Variants in ADAMTSL3 observed in about 807,000 individuals in gnomAD.
ADAMTSL3 encodes the protein ADAMTS like 3.
Under a neutral mutation model 201.7 loss-of-function variants are expected in ADAMTSL3, and 128 were observed. The observed-to-expected ratio is 0.63, with a 90% CI of 0.55 to 0.73. The LOEUF is 0.73. Ranked by LOEUF, ADAMTSL3 falls within the 30% of genes least tolerant of loss-of-function variation. The pLI is 0.00. For missense variants in ADAMTSL3, 1,990 were observed against 2,119.6 expected (o/e 0.94, Z 1.20); for synonymous variants, 738 against 748.4 (o/e 0.99, Z 0.23).
chr15:83,858,920 C>A, intron 8 of ADAMTSL3, 80 bp downstream of exon 8: 3 of 1,220,630 alleles, frequency 2.5e-6, no homozygotes, highest in Non-Finnish European at 3.5e-6. Context: ...AAAAAACCCA[C>A]AAACCAAACC....
Position 84,038,058 on chromosome 15 carries a change from G to T in ADAMTSL3, c.*252G>T. On this transcript the variant is annotated 3_prime_UTR_variant, in exon 30 of 30. Transcript: ENST00000286744. Reference sequence around the variant, plus strand: ...TATAGCATGCATGCCACTGCACTTGGGACCTCATCATGTCAGTTGAATCGA... The same window carrying T: ...TATAGCATGCATGCCACTGCACTTGTGACCTCATCATGTCAGTTGAATCGA... The T allele has an allele frequency of 4.4e-6, 2 of 455,248 alleles. No homozygotes were observed. The highest frequency in any genetic ancestry group is 7.6e-6 in the Non-Finnish European group (2 of 263,928). 28.2% of individuals were successfully genotyped at this position (455,248 alleles called of 1,614,324 possible).
intron 27 of ADAMTSL3, among the ~76,000 whole-genome samples, chr15:84,025,946 C>T (rs150755481): frequency 2.0e-5 from 3 of 152,202 alleles, no homozygotes; most frequent in East Asian, 3.9e-4. Context: ...ACGAAGATGT[C>T]GATTTCCTTA....
In ADAMTSL3 at chr15:83,874,222, G is replaced by A. The variant is rs1299195163; in HGVS notation, c.960+3263G>A. 1.4e-5 allele frequency among the ~76,000 whole-genome samples: 2 copies of A among 145,134 alleles called. 1 individual carries two copies. The highest frequency in any genetic ancestry group is 3.0e-5 in the Non-Finnish European group (2 of 66,650). ...ATGATGGTGGTTGCTCTCCAGGGCA[G>A]GGAGGCTTTCAGGGAAAGCCAAAAG... is the stretch of plus-strand genomic sequence containing the variant. On this transcript the variant is annotated intron_variant, in intron 9 of 29. Coordinates refer to ENST00000286744, the MANE Select transcript of ADAMTSL3 (RefSeq NM_207517.3).
intron 6 of ADAMTSL3, chr15:83,825,018 A>T (rs2063991661): frequency 6.6e-6 from 1 of 152,112 alleles, no homozygotes; most frequent in Non-Finnish European, 1.5e-5. Flanking sequence ...TCCTTTTCAC[A>T]CTGAATAATA....
At chr15:83,964,824 C>G (rs758284090) in intron 19 of ADAMTSL3, among the ~76,000 whole-genome samples, 3 of 152,224 alleles carry the variant, frequency 2.0e-5, no homozygotes, top group Non-Finnish European at 4.4e-5. Flanking sequence ...CAGTGGATCT[C>G]TCTGCAGAAA....
intron 9 of ADAMTSL3, among the ~76,000 whole-genome samples, chr15:83,882,898 G>A (rs1363128098): frequency 6.6e-6 from 1 of 151,900 alleles, no homozygotes; most frequent in Non-Finnish European, 1.5e-5. Context: ...AACTCAATGA[G>A]CATTTTGAAA....
intron 7 of ADAMTSL3, among the ~76,000 whole-genome samples, chr15:83,849,055 A>C (rs2141733688): frequency 6.6e-6 from 1 of 152,320 alleles, no homozygotes; most frequent in Non-Finnish European, 1.5e-5. Flanking sequence ...CATCAACAAC[A>C]AATCTAGGTG....
chr15:83,781,444 C>A (rs1596196218), intron 4 of ADAMTSL3, among the ~76,000 whole-genome samples: 1 of 152,266 alleles, frequency 6.6e-6, no homozygotes, highest in South Asian at 2.1e-4. Context: ...TTCTATACAT[C>A]ATATACAAAA....
At chr15:83,750,427 G>A (rs777384732) in intron 3 of ADAMTSL3, among the ~76,000 whole-genome samples, 56 of 152,158 alleles carry the variant, frequency 3.7e-4, no homozygotes, top group Non-Finnish European at 7.6e-4. Flanking sequence ...TCATAGCTTG[G>A]TGTCATGCCC....
Position 83,863,279 on chromosome 15 carries a change from A to G in ADAMTSL3, c.802+4439A>G, listed in dbSNP as rs561344550. ...TCTGCACCAAGCAGACCTAATAGAC[A>G]TCTACCGAACTCTCCACCCCAAATC... is the stretch of plus-strand genomic sequence containing the variant. On this transcript the variant is annotated intron_variant, in intron 8 of 29. Coordinates refer to ENST00000286744, the MANE Select transcript of ADAMTSL3 (RefSeq NM_207517.3). Among the ~76,000 whole-genome samples, 104 of 152,278 alleles carry G rather than the reference A, an allele frequency of 6.8e-4. 1 individual carries two copies. The highest frequency in any genetic ancestry group is 2.2e-3 in the African/African-American group (90 of 41,554).
chr15:84,001,473 C>T (rs974793803), intron 23 of ADAMTSL3, among the ~76,000 whole-genome samples: 6 of 152,184 alleles, frequency 3.9e-5, no homozygotes, highest in African/African-American at 1.4e-4. Context: ...CAGATACACA[C>T]AGTTACTTGT....
intron 3 of ADAMTSL3, among the ~76,000 whole-genome samples, chr15:83,764,383 C>A (rs531020842): frequency 6.6e-6 from 1 of 152,276 alleles, no homozygotes; most frequent in East Asian, 1.9e-4. Flanking sequence ...ACTCTCCACC[C>A]TTCCCTGCCC....
chr15:83,718,047 A>G (rs868688556), intron 3 of ADAMTSL3, among the ~76,000 whole-genome samples: 6 of 152,192 alleles, frequency 3.9e-5, no homozygotes, highest in South Asian at 2.1e-4. Context: ...TGAAAACTCT[A>G]TAGTCCTAGA....
chr15:84,025,998 G>A (rs919956777), intron 27 of ADAMTSL3, among the ~76,000 whole-genome samples: 2 of 152,158 alleles, frequency 1.3e-5, no homozygotes, highest in African/African-American at 4.8e-5. Context: ...TAACATCATA[G>A]TAGAACTTTT....
intron 3 of ADAMTSL3, among the ~76,000 whole-genome samples, chr15:83,761,505 ATC>A (rs1310355446): frequency 1.3e-5 from 2 of 151,922 alleles, no homozygotes; most frequent in Non-Finnish European, 2.9e-5. Flanking sequence ...TTGTCTGACA[ATC>A]TCTTTCTTTT....
intron 3 of ADAMTSL3, among the ~76,000 whole-genome samples, chr15:83,769,786 CTT>C (rs763339984): frequency 1.9e-4 from 26 of 135,084 alleles, no homozygotes; most frequent in African/African-American, 1.6e-4. Flanking sequence ...TTTAATTTTT[CTT>C]TTTTTTTTTT....
At chr15:83,708,300 G>GCTGTCTTGGATGAAC (rs2061881472) in intron 3 of ADAMTSL3, among the ~76,000 whole-genome samples, 2 of 152,222 alleles carry the variant, frequency 1.3e-5, no homozygotes, top group African/African-American at 4.8e-5. Flanking sequence ...GTAGATATTT[G>GCTGTCTTGGATGAAC]CTGTCTTGGA....
intron 3 of ADAMTSL3, among the ~76,000 whole-genome samples, chr15:83,719,161 G>A (rs529991796): frequency 2.6e-5 from 4 of 152,142 alleles, no homozygotes; most frequent in Non-Finnish European, 4.4e-5. Context: ...TCGACCTCCC[G>A]AAAATTGAGG....
At chr15:83,949,560 T>A (rs2066720839) in intron 19 of ADAMTSL3, among the ~76,000 whole-genome samples, 1 of 152,134 alleles carries the variant, frequency 6.6e-6, no homozygotes, top group East Asian at 1.9e-4. Context: ...GGTAGCTCTA[T>A]TTTTAGTTTT....
Sources: allele counts gnomAD v4.1 joint callset (sites outside exome capture counted in the v4.1 genomes callset), GRCh38; gene constraint gnomAD v4.1.1; transcripts MANE v1.5; gene names NCBI Gene and HGNC (gene_info 2026-07-23, HGNC 2026-07-21).